The following KCNN2 variants were observed in gnomAD, a reference collection of about 807,000 sequenced individuals.
The protein encoded by KCNN2 is potassium calcium-activated channel subfamily N member 2.
KCNN2 carries 24 observed loss-of-function variants against 55.5 expected under a neutral mutation model. The ratio of observed to expected loss-of-function variants is 0.43; its 90% CI spans 0.31 to 0.61. The LOEUF (loss-of-function observed/expected upper bound fraction) is 0.61. Ranked by LOEUF, KCNN2 falls within the 20% of genes least tolerant of loss-of-function variation. KCNN2 has a pLI of 0.08. For missense variants in KCNN2, 754 were observed against 853.6 expected (o/e 0.88, Z 1.45); for synonymous variants, 431 against 336.1 (o/e 1.28, Z -3.09).
At chr5:114,056,469 A>C (rs1052021920) in exon 1 of KCNN2, 1 of 398,536 alleles carries the variant, frequency 2.5e-6, no homozygotes, top group African/African-American at 2.1e-5. Flanking sequence ...TTTGAGCTTC[A>C]AATGGAGCGG....
At chr5:114,410,854 T>A (rs1759108715) in intron 3 of KCNN2, among the ~76,000 whole-genome samples, 2 of 152,212 alleles carry the variant, frequency 1.3e-5, no homozygotes, top group African/African-American at 4.8e-5. Flanking sequence ...ATTTTATCTC[T>A]CAGGGCACTT....
intron 1 of KCNN2, among the ~76,000 whole-genome samples, chr5:114,135,969 TAA>T (rs1752166068): frequency 6.6e-6 from 1 of 151,764 alleles, no homozygotes; most frequent in Non-Finnish European, 1.5e-5. Context: ...AAGAGCTACA[TAA>T]AGAAGGAACA....
At chr5:114,312,473 A>G (rs1213028333) in intron 2 of KCNN2, among the ~76,000 whole-genome samples, 2 of 116,326 alleles carry the variant, frequency 1.7e-5, no homozygotes, top group African/African-American at 3.3e-5. Flanking sequence ...ATATATATAT[A>G]TATGGATCCA....
intron 1 of KCNN2, among the ~76,000 whole-genome samples, chr5:114,182,165 C>A (rs1194058210): frequency 6.6e-6 from 1 of 152,090 alleles, no homozygotes. Context: ...ACTCAAATGA[C>A]TTTAGAATTA....
chr5:114,333,661 G>A (rs1756869471), intron 2 of KCNN2, among the ~76,000 whole-genome samples: 1 of 151,738 alleles, frequency 6.6e-6, no homozygotes, highest in Non-Finnish European at 1.5e-5. Context: ...ATTTCTTGAA[G>A]TGTTCTTATT....
chr5:114,129,639 A>G (rs1752030639), intron 1 of KCNN2, among the ~76,000 whole-genome samples: 2 of 152,132 alleles, frequency 1.3e-5, no homozygotes, highest in Admixed American at 1.3e-4. Context: ...GTCCTCCGGT[A>G]TTGGGAACAG....
chr5:114,103,390 T>C (rs1347359413), intron 1 of KCNN2, among the ~76,000 whole-genome samples: 1 of 152,188 alleles, frequency 6.6e-6, no homozygotes, highest in Non-Finnish European at 1.5e-5. Flanking sequence ...ATTTGACTTC[T>C]TGTCTTCCTA....
At chr5:114,059,127 C>T (rs1750272227) in intron 1 of KCNN2, among the ~76,000 whole-genome samples, 1 of 151,940 alleles carries the variant, frequency 6.6e-6, no homozygotes, top group Non-Finnish European at 1.5e-5. Context: ...AGATTCAGGA[C>T]ACAATTGAGG....
chr5:114,171,491 C>G (rs1753031640), intron 1 of KCNN2, among the ~76,000 whole-genome samples: 1 of 151,716 alleles, frequency 6.6e-6, no homozygotes, highest in South Asian at 2.1e-4. Context: ...TTCAATACAG[C>G]ACTCCATTTC....
intron 1 of KCNN2, among the ~76,000 whole-genome samples, chr5:114,152,638 G>A (rs1170523237): frequency 6.6e-6 from 1 of 152,136 alleles, no homozygotes; most frequent in Non-Finnish European, 1.5e-5. Flanking sequence ...AGCAAAAATA[G>A]TTTCTACCCT....
chr5:114,274,755 T>C lies in KCNN2; in HGVS notation c.-185+53190T>C, dbSNP rs182975236. 2.4e-3 allele frequency among the ~76,000 whole-genome samples: 359 copies of C among 152,352 alleles called. 1 individual carries two copies. Among genetic ancestry groups the C allele is most frequent in the African/African-American group, 8.2e-3 (339 of 41,584 alleles). On this transcript the variant is annotated intron_variant, in intron 2 of 10. Coordinates refer to the KCNN2 transcript ENST00000512097. The stretch of plus-strand genomic sequence containing the variant: ...TTTGGGATGAGACGATGGAGTTTTC[T>C]AAATATACTATCATGTCATCTGCAA...
chr5:114,357,986 A>G (rs1244066193), upstream of KCNN2, among the ~76,000 whole-genome samples: 88 of 149,966 alleles, frequency 5.9e-4, no homozygotes, highest in African/African-American at 2.0e-3. Context: ...TTTAATGATC[A>G]CCATTCTAAC....
intron 1 of KCNN2, among the ~76,000 whole-genome samples, chr5:114,175,577 G>T (rs939533571): frequency 2.0e-5 from 3 of 152,094 alleles, no homozygotes; most frequent in African/African-American, 7.2e-5. Context: ...AAAAAAACAG[G>T]TATAGTTCTG....
intron 1 of KCNN2, among the ~76,000 whole-genome samples, chr5:114,213,713 G>C (rs899604290): frequency 9.9e-5 from 15 of 151,804 alleles, no homozygotes; most frequent in African/African-American, 3.4e-4. Flanking sequence ...ATTGCCGTTG[G>C]TCTTGCTGTC....
chr5:114,167,367 GT>G (rs1479741832), intron 1 of KCNN2, among the ~76,000 whole-genome samples: 2 of 152,230 alleles, frequency 1.3e-5, no homozygotes, highest in African/African-American at 2.4e-5. Flanking sequence ...CTTCTCAATT[GT>G]TTTTTAAACT....
chr5:114,226,476 A>G (rs1435425273), intron 2 of KCNN2, among the ~76,000 whole-genome samples: 1 of 152,220 alleles, frequency 6.6e-6, no homozygotes, highest in African/African-American at 2.4e-5. Flanking sequence ...ACTTGAGGTC[A>G]GTAAAAAGAG....
chr5:114,400,516 C>T (rs1446694951), intron 2 of KCNN2, among the ~76,000 whole-genome samples: 1 of 152,212 alleles, frequency 6.6e-6, no homozygotes, highest in Non-Finnish European at 1.5e-5. Flanking sequence ...CATTCCTCTG[C>T]CTAATACCCT....
chr5:114,362,590 T>TA lies in KCNN2; in HGVS notation c.451_452insA (p.Ser151TyrfsTer132). On this transcript the variant is annotated frameshift_variant, in exon 1 of 8. Transcript: ENST00000673685. LOFTEE classifies it high-confidence loss of function. ...GTACGCGCAGCAGTCCGCGCAGCAG[T>TA]CGGCGTCCGCCTCCCAGTACCACCA... 1 of 750,108 alleles carries TA rather than the reference T, an allele frequency of 1.3e-6. No individual in the cohort carries two copies. The highest frequency in any genetic ancestry group is 2.0e-6 in the Non-Finnish European group (1 of 489,098). 46.5% of individuals were successfully genotyped at this position (750,108 alleles called of 1,614,324 possible). A position where few individuals can be genotyped will look rare whatever the true frequency, so the allele number is the denominator to read the frequency against.
At chr5:114,080,673 G>A (rs959531796) in intron 1 of KCNN2, among the ~76,000 whole-genome samples, 5 of 152,004 alleles carry the variant, frequency 3.3e-5, no homozygotes, top group African/African-American at 1.2e-4. Flanking sequence ...AAGAATAGTA[G>A]GAACTATCTC....
Sources: allele counts gnomAD v4.1 joint callset (sites outside exome capture counted in the v4.1 genomes callset), GRCh38; gene constraint gnomAD v4.1.1; transcripts MANE v1.5; gene names NCBI Gene and HGNC (gene_info 2026-07-23, HGNC 2026-07-21).